Variants in CNTN5 observed in about 807,000 individuals in gnomAD.
CNTN5 encodes contactin 5, also known as contactin-5.
In CNTN5, 77 loss-of-function variants were observed where a neutral mutation model predicts 129.1. That is an observed-to-expected ratio of 0.60 (90% CI 0.50 to 0.72). The LOEUF is 0.72. Ranked by LOEUF, CNTN5 falls within the 30% of genes least tolerant of loss-of-function variation. The probability of loss-of-function intolerance (pLI) is 0.00; values close to 1 mark genes in which losing one functional copy is unlikely to be tolerated. For missense variants in CNTN5, 1,478 were observed against 1,328.8 expected (o/e 1.11, Z -1.75); for synonymous variants, 509 against 465.6 (o/e 1.09, Z -1.20).
intron 3 of CNTN5, among the ~76,000 whole-genome samples, chr11:99,760,643 T>A (rs1453335937): frequency 1.3e-5 from 2 of 152,142 alleles, no homozygotes; most frequent in Non-Finnish European, 2.9e-5. Context: ...CTAATAAAAT[T>A]CCAATTTATA....
At chr11:99,045,516 T>C (rs1280839479) in intron 1 of CNTN5, among the ~76,000 whole-genome samples, 2 of 152,240 alleles carry the variant, frequency 1.3e-5, no homozygotes, top group African/African-American at 4.8e-5. Flanking sequence ...ACAAACTTTA[T>C]TGGCAAATGA....
chr11:99,799,839 A>C (rs1413341984), intron 3 of CNTN5, among the ~76,000 whole-genome samples: 1 of 151,898 alleles, frequency 6.6e-6, no homozygotes, highest in Non-Finnish European at 1.5e-5. Context: ...TCTTCTTTGT[A>C]TATCTTGTGG....
chr11:100,056,220 C>A (rs182048117), intron 9 of CNTN5, among the ~76,000 whole-genome samples: 21 of 151,500 alleles, frequency 1.4e-4, no homozygotes, highest in Non-Finnish European at 2.2e-4. Context: ...TTGCTGTGAA[C>A]GTTCAATATG....
chr11:99,148,265 T>C (rs1274020851), intron 1 of CNTN5, among the ~76,000 whole-genome samples: 1 of 152,176 alleles, frequency 6.6e-6, no homozygotes, highest in East Asian at 1.9e-4. Flanking sequence ...GGTTTTCATG[T>C]TGTTTTTCTT....
At chr11:99,305,233 A>G (rs1235843016) in intron 1 of CNTN5, among the ~76,000 whole-genome samples, 1 of 152,210 alleles carries the variant, frequency 6.6e-6, no homozygotes. Flanking sequence ...GAATTATGAG[A>G]TAAAAAAGAA....
In CNTN5 at chr11:100,356,495, T is replaced by G. The variant is rs1483440919; in HGVS notation, c.*275T>G. 1 of 432,770 alleles carries G rather than the reference T, an allele frequency of 2.3e-6. No homozygotes were observed. The highest frequency in any genetic ancestry group is 2.0e-5 in the African/African-American group (1 of 48,994). 26.8% of individuals were successfully genotyped at this position (432,770 alleles called of 1,614,324 possible). A position where few individuals can be genotyped will look rare whatever the true frequency, so the allele number is the denominator to read the frequency against. ...GTAAACAAAGGTAATTTCTGTCAAA[T>G]GTATTCTTTACTTTTTTAATATGTT... On this transcript the variant is annotated 3_prime_UTR_variant, in exon 25 of 25. Coordinates refer to ENST00000524871, the MANE Select transcript of CNTN5 (RefSeq NM_014361.4).
intron 13 of CNTN5, among the ~76,000 whole-genome samples, chr11:100,101,698 A>G (rs750662832): frequency 7.9e-5 from 12 of 151,976 alleles, no homozygotes; most frequent in Non-Finnish European, 1.2e-4. Context: ...AGTATACTAT[A>G]CCCAATATGT....
intron 2 of CNTN5, among the ~76,000 whole-genome samples, chr11:99,437,215 T>A (rs1358192034): frequency 1.3e-5 from 2 of 152,162 alleles, no homozygotes; most frequent in East Asian, 3.9e-4. Flanking sequence ...GCCAGATGTA[T>A]TGAGATGATC....
intron 2 of CNTN5, among the ~76,000 whole-genome samples, chr11:99,399,656 C>A: frequency 6.6e-6 from 1 of 151,428 alleles, no homozygotes; most frequent in South Asian, 2.1e-4. Flanking sequence ...ATATTTTTCT[C>A]TTAAAATAAC....
intron 18 of CNTN5, among the ~76,000 whole-genome samples, chr11:100,277,460 T>G (rs959030540): frequency 1.3e-5 from 2 of 152,198 alleles, no homozygotes; most frequent in South Asian, 4.1e-4. Context: ...GTGTTTCCTT[T>G]TCTCTAGATC....
chr11:99,774,380 G>A (rs1229419839), intron 3 of CNTN5, among the ~76,000 whole-genome samples: 1 of 151,474 alleles, frequency 6.6e-6, no homozygotes, highest in Non-Finnish European at 1.5e-5. Flanking sequence ...CCCTGTAAAA[G>A]GAGTTAATCT....
At chr11:99,689,596 T>A (rs1953955890) in intron 3 of CNTN5, among the ~76,000 whole-genome samples, 1 of 151,876 alleles carries the variant, frequency 6.6e-6, no homozygotes, top group Admixed American at 6.6e-5. Context: ...CTGTTACTTT[T>A]TTTTGACATT....
At chr11:99,505,255 T>G (rs988179160) in intron 2 of CNTN5, among the ~76,000 whole-genome samples, 5 of 152,188 alleles carry the variant, frequency 3.3e-5, no homozygotes, top group Non-Finnish European at 7.4e-5. Flanking sequence ...GATGTTAACA[T>G]TTTAAAAAAA....
At chr11:99,941,586 A>ACACACACACACACACACAC (rs1555163260) in intron 7 of CNTN5, among the ~76,000 whole-genome samples, 5 of 152,016 alleles carry the variant, frequency 3.3e-5, no homozygotes, top group Admixed American at 6.6e-5. Context: ...ACACACACAC[A>ACACACACACACACACACAC]AAGAGAAAGA....
chr11:99,498,072 C>T (rs925476629), intron 2 of CNTN5, among the ~76,000 whole-genome samples: 4 of 152,124 alleles, frequency 2.6e-5, no homozygotes, highest in African/African-American at 9.7e-5. Context: ...CAAGTAACAT[C>T]TTTATGGTTA....
chr11:99,518,005 T>C (rs910178774), intron 2 of CNTN5, among the ~76,000 whole-genome samples: 2 of 152,088 alleles, frequency 1.3e-5, no homozygotes, highest in South Asian at 4.1e-4. Context: ...AGGGAAAGAT[T>C]AGACATTCAC....
At chr11:99,522,963 A>G (rs1239261566) in intron 2 of CNTN5, among the ~76,000 whole-genome samples, 2 of 152,204 alleles carry the variant, frequency 1.3e-5, no homozygotes, top group African/African-American at 4.8e-5. Flanking sequence ...CTGTACACAC[A>G]CTAAATTCCA....
Position 99,865,205 on chromosome 11 carries a change from T to G in CNTN5, c.577+19943T>G, listed in dbSNP as rs916305417. ...TTCTGTGCTTCAATAGCATCATACC[T>G]TGTTATATTGTAGCAATTTTTATGC... On this transcript the variant is annotated intron_variant, in intron 6 of 24. Transcript: ENST00000524871. Among the ~76,000 whole-genome samples, 7 of 152,282 alleles carry G rather than the reference T, an allele frequency of 4.6e-5. No individual in the cohort carries two copies. In the East Asian group the frequency reaches 1.2e-3, roughly 25 times the overall value.
At chr11:99,849,180 A>G (rs1947795773) in intron 6 of CNTN5, among the ~76,000 whole-genome samples, 2 of 151,762 alleles carry the variant, frequency 1.3e-5, no homozygotes, top group South Asian at 4.2e-4. Context: ...CCATATACTA[A>G]CAATTATTAT....
Sources: allele counts gnomAD v4.1 joint callset (sites outside exome capture counted in the v4.1 genomes callset), GRCh38; gene constraint gnomAD v4.1.1; transcripts MANE v1.5; gene names NCBI Gene and HGNC (gene_info 2026-07-23, HGNC 2026-07-21).